The following PPARGC1A variants were observed in gnomAD, a reference collection of about 807,000 sequenced individuals.
PPARGC1A encodes peroxisome proliferator-activated receptor gamma coactivator 1-alpha.
PPARGC1A carries 25 observed loss-of-function variants against 88.7 expected under a neutral mutation model. The ratio of observed to expected loss-of-function variants is 0.28; its 90% CI spans 0.21 to 0.39. The LOEUF is 0.39. Ranked by LOEUF, PPARGC1A falls within the 10% of genes least tolerant of loss-of-function variation. The pLI, the probability that PPARGC1A is intolerant of heterozygous loss-of-function variation, is 1.00. For synonymous variants in PPARGC1A, 363 were observed against 355.6 expected (o/e 1.02, Z -0.24); for missense variants, 880 against 968.7 (o/e 0.91, Z 1.22).
the PPARGC1A span, among the ~76,000 whole-genome samples, chr4:24,155,108 C>T: frequency 0.051 from 7,470 of 147,704 alleles, 536 homozygotes; most frequent in African/African-American, 0.16. Flanking sequence ...ACTTTCTCTT[C>T]GAACCTCGGT....
At chr4:24,176,780 T>G in the PPARGC1A span, among the ~76,000 whole-genome samples, 10 of 152,056 alleles carry the variant, frequency 6.6e-5, no homozygotes, top group Admixed American at 5.2e-4. Flanking sequence ...AGGCAGAGCC[T>G]AAAGAGAAAG....
At chr4:24,144,493 T>TG in the PPARGC1A span, among the ~76,000 whole-genome samples, 44,721 of 151,586 alleles carry the variant, frequency 0.3, 7,198 homozygotes, top group African/African-American at 0.41. Context: ...TCCAGTGGCT[T>TG]GGATATTCAC....
At chr4:23,955,915 G>A in the PPARGC1A span, among the ~76,000 whole-genome samples, 4 of 152,038 alleles carry the variant, frequency 2.6e-5, no homozygotes, top group South Asian at 2.1e-4. Context: ...GAAACTTTCC[G>A]TAAAGAGCCA....
At chr4:24,201,077 A>C in the PPARGC1A span, among the ~76,000 whole-genome samples, 2 of 152,244 alleles carry the variant, frequency 1.3e-5, no homozygotes, top group Non-Finnish European at 1.5e-5. Context: ...ATTATCTGTT[A>C]TAAAAAAGAA....
the PPARGC1A span, among the ~76,000 whole-genome samples, chr4:24,182,468 G>A: frequency 6.6e-6 from 1 of 152,184 alleles, no homozygotes; most frequent in Non-Finnish European, 1.5e-5. Flanking sequence ...ACGTGTGCAT[G>A]TGTCTTTCTA....
chr4:24,161,230 C>T, the PPARGC1A span, among the ~76,000 whole-genome samples: 1 of 152,188 alleles, frequency 6.6e-6, no homozygotes, highest in African/African-American at 2.4e-5. Flanking sequence ...ATCTCAATGA[C>T]TTTATTCAAG....
At chr4:24,041,372 T>C in the PPARGC1A span, among the ~76,000 whole-genome samples, 1 of 152,194 alleles carries the variant, frequency 6.6e-6, no homozygotes, top group African/African-American at 2.4e-5. Context: ...CTAACAGTGA[T>C]AGCTTTCCCT....
At chr4:23,974,916 A>C in the PPARGC1A span, among the ~76,000 whole-genome samples, 1 of 146,986 alleles carries the variant, frequency 6.8e-6, no homozygotes, top group Non-Finnish European at 1.5e-5. Flanking sequence ...CGGCCTCCCA[A>C]AGTGCTGGGA....
At chr4:23,990,949 A>G in the PPARGC1A span, among the ~76,000 whole-genome samples, 1 of 152,096 alleles carries the variant, frequency 6.6e-6, no homozygotes, top group African/African-American at 2.4e-5. Context: ...AAATAAAAGT[A>G]TCTAAACAGC....
chr4:24,365,537 T>C, the PPARGC1A span, among the ~76,000 whole-genome samples: 1 of 152,190 alleles, frequency 6.6e-6, no homozygotes, highest in African/African-American at 2.4e-5. Flanking sequence ...CTGTATCTTG[T>C]ATATTCCCCA....
the PPARGC1A span, among the ~76,000 whole-genome samples, chr4:24,224,367 G>C: frequency 6.6e-6 from 1 of 152,160 alleles, no homozygotes; most frequent in African/African-American, 2.4e-5. Context: ...AGAGAGCTCT[G>C]GAAGGAGAAA....
the PPARGC1A span, among the ~76,000 whole-genome samples, chr4:24,146,395 C>T: frequency 1.3e-5 from 2 of 152,200 alleles, no homozygotes; most frequent in East Asian, 1.9e-4. Context: ...TTGAAGGACT[C>T]GGTAAAGTGA....
the PPARGC1A span, among the ~76,000 whole-genome samples, chr4:23,987,488 C>A: frequency 6.6e-6 from 1 of 151,990 alleles, no homozygotes; most frequent in African/African-American, 2.4e-5. Flanking sequence ...TCACTCAGCT[C>A]AGACAGCCCT....
At chr4:24,203,009 T>A in the PPARGC1A span, among the ~76,000 whole-genome samples, 6 of 152,060 alleles carry the variant, frequency 3.9e-5, no homozygotes, top group African/African-American at 1.2e-4. Context: ...AGGCTCTTTC[T>A]CCAGAAAGGT....
the PPARGC1A span, among the ~76,000 whole-genome samples, chr4:24,071,593 G>A: frequency 1.8e-4 from 27 of 151,616 alleles, no homozygotes; most frequent in African/African-American, 6.3e-4. Context: ...CAAATACATT[G>A]GTGAATTGTA....
chr4:24,019,885 T>C, the PPARGC1A span, among the ~76,000 whole-genome samples: 1 of 152,178 alleles, frequency 6.6e-6, no homozygotes, highest in Admixed American at 6.5e-5. Flanking sequence ...TGAAAAATCA[T>C]TCACTTGAGA....
At position 23,889,937 on chromosome 4, in the gene PPARGC1A, G is replaced by A. The variant is rs558170290; in HGVS notation, c.21C>T (p.Asn7=). MAWDMC[N]QDSESVWSDI... ...CACTCCATACAGACTCAGAGTCCTG[G>A]TTGCACATGTCCCACGCCATCCAGC... is the stretch of plus-strand genomic sequence containing the variant. The change falls in exon 1 of 13, where the codon AAC becomes AAT. Residue 7 remains asparagine (N), a synonymous_variant. Transcript: ENST00000264867. 14 of 1,613,850 alleles carry A rather than the reference G, an allele frequency of 8.7e-6. No homozygotes were observed. In the African/African-American group the frequency reaches 1.2e-4, roughly 14 times the overall value.
the PPARGC1A span, among the ~76,000 whole-genome samples, chr4:23,912,157 G>C: frequency 6.6e-6 from 1 of 152,200 alleles, no homozygotes; most frequent in Non-Finnish European, 1.5e-5. Flanking sequence ...GTAGGTTCTA[G>C]AAAATTCCCA....
At chr4:23,912,589 T>G in the PPARGC1A span, among the ~76,000 whole-genome samples, 12 of 152,126 alleles carry the variant, frequency 7.9e-5, no homozygotes, top group African/African-American at 2.9e-4. Flanking sequence ...CCTCATCCAG[T>G]CAGTTGAAGG....
Sources: gnomAD v4.1 joint callset for allele counts (sites outside exome capture counted in the v4.1 genomes callset) on GRCh38, gnomAD v4.1.1 for gene constraint, MANE v1.5 for transcripts, NCBI Gene and HGNC (gene_info 2026-07-23, HGNC 2026-07-21) for gene names.